Variants in BRINP1 observed in about 807,000 individuals in gnomAD.
BRINP1 encodes BMP/retinoic acid inducible neural specific 1, also known as BMP/retinoic acid-inducible neural-specific protein 1.
A neutral mutation model predicts 72.9 loss-of-function variants in BRINP1; 17 were observed. The ratio of observed to expected loss-of-function variants is 0.23; its 90% CI spans 0.16 to 0.35. The LOEUF (loss-of-function observed/expected upper bound fraction) is 0.35, where lower values mean the gene tolerates loss of function less well. BRINP1 is among the 10% of genes least tolerant of loss of function. BRINP1 has a pLI of 1.00. For synonymous variants in BRINP1, 418 were observed against 378.5 expected, an observed-to-expected ratio of 1.10 and a Z score of -1.21; for missense variants, 850 against 1,001.6, an observed-to-expected ratio of 0.85 and a Z score of 2.04.
chr9:119,208,674 C>A (rs376634635), intron 7 of BRINP1, 45 bp downstream of exon 7: 2 of 1,569,016 alleles, frequency 1.3e-6, no homozygotes, highest in Non-Finnish European at 1.8e-6. Context: ...ATGTAGCTAA[C>A]GCCAGGTAGG....
intron 2 of BRINP1, among the ~76,000 whole-genome samples, chr9:119,271,065 C>T (rs1330877639): frequency 6.6e-6 from 1 of 152,078 alleles, no homozygotes; most frequent in Non-Finnish European, 1.5e-5. Flanking sequence ...GTTGTAGTAT[C>T]TGACCTAATC....
chr9:119,272,644 C>G (rs540711369), intron 2 of BRINP1, among the ~76,000 whole-genome samples: 3 of 152,306 alleles, frequency 2.0e-5, no homozygotes, highest in East Asian at 1.9e-4. Context: ...AACATGGACT[C>G]TGTGTGTGTT....
intron 1 of BRINP1, among the ~76,000 whole-genome samples, chr9:119,329,187 A>C (rs184084390): frequency 8.1e-4 from 124 of 152,266 alleles, no homozygotes; most frequent in Admixed American, 2.5e-3. Context: ...TATTCAGTGG[A>C]GCAAATAGAT....
chr9:119,282,478 G>C lies in BRINP1; in HGVS notation c.218+30660C>G, dbSNP rs1456824706. Among the ~76,000 whole-genome samples the C allele has an allele frequency of 2.6e-5, 4 of 152,170 alleles. No homozygotes were observed. The East Asian group carries it at 7.7e-4, about 29-fold the overall frequency. On this transcript the variant is annotated intron_variant, in intron 2 of 7. Transcript: ENST00000265922. Reference sequence around the variant, plus strand: ...TCTTTTGGCTCTGACATCCAGTGATGAAAGGAGAACTGAACGAGAAGAAGG... The same window carrying C: ...TCTTTTGGCTCTGACATCCAGTGATCAAAGGAGAACTGAACGAGAAGAAGG...
intron 1 of BRINP1, among the ~76,000 whole-genome samples, chr9:119,362,526 G>C (rs914392659): frequency 6.6e-5 from 10 of 152,136 alleles, no homozygotes; most frequent in East Asian, 5.8e-4. Context: ...CCAGCACCTA[G>C]CAAGATTCAT....
chr9:119,186,256 G>A (rs1306266873), intron 7 of BRINP1, among the ~76,000 whole-genome samples: 1 of 152,016 alleles, frequency 6.6e-6, no homozygotes, highest in African/African-American at 2.4e-5. Context: ...CCAGGGAAAT[G>A]AAGCTTTGGC....
At chr9:119,312,926 G>T (rs571097126) in intron 2 of BRINP1, among the ~76,000 whole-genome samples, 1 of 152,202 alleles carries the variant, frequency 6.6e-6, no homozygotes, top group Non-Finnish European at 1.5e-5. Context: ...ATATAAATAA[G>T]TACTCAATAA....
intron 2 of BRINP1, among the ~76,000 whole-genome samples, chr9:119,249,380 T>C (rs1830355066): frequency 6.6e-6 from 1 of 152,178 alleles, no homozygotes; most frequent in Non-Finnish European, 1.5e-5. Context: ...AATATCATTG[T>C]CCTCAAGTTG....
chr9:119,220,833 T>C (rs1325072464), intron 5 of BRINP1, among the ~76,000 whole-genome samples: 1 of 152,152 alleles, frequency 6.6e-6, no homozygotes, highest in Non-Finnish European at 1.5e-5. Flanking sequence ...TCTTGAAACA[T>C]GAGCATGGTC....
At chr9:119,364,877 G>A (rs1284141536) in intron 1 of BRINP1, among the ~76,000 whole-genome samples, 1 of 152,214 alleles carries the variant, frequency 6.6e-6, no homozygotes, top group Non-Finnish European at 1.5e-5. Context: ...TCTTGGTATA[G>A]GCAAAAATGC....
At chr9:119,184,642 G>A (rs956457439) in intron 7 of BRINP1, among the ~76,000 whole-genome samples, 1 of 152,162 alleles carries the variant, frequency 6.6e-6, no homozygotes, top group African/African-American at 2.4e-5. Context: ...TTCTCCTGGG[G>A]AGAGCTGCCT....
In BRINP1 at chr9:119,214,011, T is replaced by A; in HGVS notation, c.830A>T (p.Asn277Ile). ...CQCAEEFPQC[N>I]CPITDIQIME... is the part of the protein sequence containing the mutation. ...GATCTGGATGTCCGTGATGGGGCAG[T>A]TGCACTGCGGAAACTCCTCGGCACA... is the stretch of plus-strand genomic sequence containing the variant. Residue 277 changes from asparagine (N) to isoleucine (I), a missense_variant, in exon 6 of 8, where the codon AAC becomes ATC. Transcript: ENST00000265922. 2 of 1,614,190 alleles carry A rather than the reference T, an allele frequency of 1.2e-6. No individual in the cohort carries two copies. The highest frequency in any genetic ancestry group is 1.7e-6 in the Non-Finnish European group (2 of 1,180,036).
At chr9:119,168,335 G>C (rs1252716711) in intron 7 of BRINP1, 111 bp from the exon 8 acceptor site, 1 of 833,516 alleles carries the variant, frequency 1.2e-6, no homozygotes, top group Non-Finnish European at 1.8e-6. Context: ...GAAAGGACTG[G>C]ATGGAGCAGT....
At chr9:119,353,666 A>T (rs1587970693) in intron 1 of BRINP1, among the ~76,000 whole-genome samples, 3 of 152,034 alleles carry the variant, frequency 2.0e-5, no homozygotes, top group Admixed American at 2.0e-4. Context: ...CTCAATCAAT[A>T]CCAGTTCCCA....
chr9:119,284,651 A>C (rs1432609652), intron 2 of BRINP1, among the ~76,000 whole-genome samples: 1 of 151,772 alleles, frequency 6.6e-6, no homozygotes, highest in Non-Finnish European at 1.5e-5. Context: ...GAAAATGGGG[A>C]CCAATTTCCA....
At chr9:119,244,472 GTAGA>G (rs1214348383) in intron 3 of BRINP1, among the ~76,000 whole-genome samples, 4 of 152,182 alleles carry the variant, frequency 2.6e-5, no homozygotes, top group South Asian at 2.1e-4. Context: ...TGATGGATAA[GTAGA>G]TAGATAGATA....
intron 2 of BRINP1, among the ~76,000 whole-genome samples, chr9:119,295,690 A>G (rs1409983504): frequency 6.6e-6 from 1 of 152,216 alleles, no homozygotes; most frequent in Non-Finnish European, 1.5e-5. Context: ...AAAAATGAAC[A>G]TACAGACAAA....
intron 2 of BRINP1, among the ~76,000 whole-genome samples, chr9:119,258,073 A>T (rs772407119): frequency 3.3e-4 from 50 of 152,232 alleles, no homozygotes; most frequent in Non-Finnish European, 6.2e-4. Flanking sequence ...TATCAACTTA[A>T]CTTTAGAGAA....
chr9:119,322,386 A>G (rs879768671), intron 1 of BRINP1, among the ~76,000 whole-genome samples: 8 of 152,192 alleles, frequency 5.3e-5, no homozygotes, highest in Non-Finnish European at 1.2e-4. Context: ...TGTGCTATAT[A>G]TAAGCCTGCA....
Sources: gnomAD v4.1 joint callset for allele counts (sites outside exome capture counted in the v4.1 genomes callset) on GRCh38, gnomAD v4.1.1 for gene constraint, MANE v1.5 for transcripts, NCBI Gene and HGNC (gene_info 2026-07-23, HGNC 2026-07-21) for gene names.